Variants in PPM1A observed in about 807,000 individuals in gnomAD.
PPM1A encodes the protein protein phosphatase 1A.
PPM1A carries 7 observed loss-of-function variants against 35.0 expected under a neutral mutation model. The observed-to-expected ratio is 0.20, with a 90% CI of 0.11 to 0.38. The LOEUF (loss-of-function observed/expected upper bound fraction) is 0.38. Ranked by LOEUF, PPM1A falls within the 10% of genes least tolerant of loss-of-function variation. The pLI is 1.00. For synonymous variants in PPM1A, 153 were observed against 167.3 expected (o/e 0.91, Z 0.66); for missense variants, 239 against 467.8 (o/e 0.51, Z 4.51).
intron 1 of PPM1A, among the ~76,000 whole-genome samples, chr14:60,272,351 T>C (rs1885227256): frequency 1.3e-5 from 2 of 151,590 alleles, no homozygotes; most frequent in South Asian, 4.2e-4. Context: ...GTGTATACTT[T>C]GTATCCAGGA....
At chr14:60,284,707 G>GTATATATATATATACA (rs1555344241) in intron 2 of PPM1A, among the ~76,000 whole-genome samples, 3 of 143,342 alleles carry the variant, frequency 2.1e-5, no homozygotes, top group Non-Finnish European at 3.0e-5. Context: ...ATGTGTGTGT[G>GTATATATATATATACA]TATATATATA....
In PPM1A at chr14:60,286,280, A is replaced by C. The variant is rs1017008950; in HGVS notation, c.952+539A>C. The C allele has an allele frequency of 4.1e-6, 4 of 985,766 alleles. No homozygotes were observed. The South Asian group carries it at 1.4e-4, about 35-fold the overall frequency. 61.1% of individuals were successfully genotyped at this position (985,766 alleles called of 1,614,324 possible). On this transcript the variant is annotated intron_variant, in intron 3 of 5. Transcript: ENST00000395076. ...CCCTAAGCCATAAACTGTCTCACCT[A>C]AACAAGATAGACCTCAATAAAAGAC...
At chr14:60,254,396 G>A (rs993484948) in intron 1 of PPM1A, among the ~76,000 whole-genome samples, 1 of 152,046 alleles carries the variant, frequency 6.6e-6, no homozygotes, top group African/African-American at 2.4e-5. Context: ...CGGATAAAGA[G>A]TAACAGTAAT....
At position 60,298,227 on chromosome 14, in the gene PPM1A, C is replaced by T. The variant is rs548142635; in HGVS notation, c.*5745C>T. ...GGAATGTATCTGGAACATTTTTGGC[C>T]TCCATAGTGCAGATATACTATATTA... On this transcript the variant is annotated 3_prime_UTR_variant, in exon 6 of 6. Transcript: ENST00000395076. The T allele has an allele frequency of 1.1e-3, 162 of 151,652 alleles. 1 individual carries two copies. Among genetic ancestry groups the T allele is most frequent in the African/African-American group, 3.9e-3 (161 of 41,490 alleles). 9.4% of individuals were successfully genotyped at this position (151,652 alleles called of 1,614,324 possible).
Position 60,282,426 on chromosome 14 carries a change from TCTC to T in PPM1A, c.-20-255_-20-253del, listed in dbSNP as rs1238766917. 6.6e-6 allele frequency among the ~76,000 whole-genome samples: 1 copy of T among 152,222 alleles called. No individual in the cohort carries two copies. The highest frequency in any genetic ancestry group is 1.9e-4 in the East Asian group (1 of 5,198). ...GTTTAAGTTGATGGCCACTGCCAGG[TCTC>T]CTTTCTGCCTTCTCCCCTTTATCCC... On this transcript the variant is annotated intron_variant, in intron 1 of 5. Transcript: ENST00000395076. The surrounding 1 kb of genome is among the most constrained non-coding windows in gnomAD (Gnocchi z 5.1).
At chr14:60,262,838 C>G (rs2095272450) in intron 1 of PPM1A, among the ~76,000 whole-genome samples, 1 of 152,184 alleles carries the variant, frequency 6.6e-6, no homozygotes, top group Non-Finnish European at 1.5e-5. Context: ...AAGTAAGGCA[C>G]TATCATTGTG....
chr14:60,253,612 T>C (rs1166077038), intron 1 of PPM1A, among the ~76,000 whole-genome samples: 3 of 152,194 alleles, frequency 2.0e-5, no homozygotes, highest in Non-Finnish European at 4.4e-5. Context: ...TGTAAAGTCT[T>C]CCAATGCAAG....
intron 1 of PPM1A, among the ~76,000 whole-genome samples, chr14:60,253,443 A>G (rs1882678525): frequency 1.3e-5 from 2 of 152,202 alleles, no homozygotes; most frequent in African/African-American, 4.8e-5. Flanking sequence ...TGCCAGGATC[A>G]GATCTGGGTA....
chr14:60,280,151 A>G (rs1024800496), intron 1 of PPM1A, among the ~76,000 whole-genome samples: 6 of 152,118 alleles, frequency 3.9e-5, no homozygotes, highest in Admixed American at 1.3e-4. Flanking sequence ...GATTACGGGC[A>G]TGCGCCACCA....
rs1424949419 is a variant in PPM1A, at chr14:60,289,868, A to G, written c.1015A>G (p.Ser339Gly). 1 of 1,594,856 alleles carries G rather than the reference A, an allele frequency of 6.3e-7. No homozygotes were observed. The change falls in exon 4 of 6, where the codon AGT becomes GGT. Residue 339 changes from serine to glycine, a missense_variant. Ser to Gly is a moderately conservative substitution (Grantham distance 56). Coordinates refer to ENST00000395076, the MANE Select transcript of PPM1A (RefSeq NM_021003.5). This position sits in a 1 kb window ranked among gnomAD's most constrained non-coding sequence, Gnocchi z 4.1. Reference sequence around the variant, plus strand: ...AGTCCATGTGATGCGCACATTAGCGAGTGAGAACATCCCCAGCCTCCCACC... The same window carrying G: ...AGTCCATGTGATGCGCACATTAGCGGGTGAGAACATCCCCAGCCTCCCACC... ...DLVHVMRTLA[S>G]ENIPSLPPGG... is the part of the protein sequence containing the mutation.
intron 1 of PPM1A, among the ~76,000 whole-genome samples, chr14:60,257,645 C>A (rs1487696225): frequency 1.3e-5 from 2 of 152,108 alleles, no homozygotes; most frequent in Non-Finnish European, 2.9e-5. Context: ...GAATATAATT[C>A]ATTACCAACT....
At chr14:60,248,182 G>A (rs1361357550), upstream of PPM1A, among the ~76,000 whole-genome samples, 1 of 152,148 alleles carries the variant, frequency 6.6e-6, no homozygotes, top group African/African-American at 2.4e-5. Flanking sequence ...AGCGTGGGTC[G>A]GGTTTTCCAG....
intron 1 of PPM1A, among the ~76,000 whole-genome samples, chr14:60,251,149 A>G (rs907328614): frequency 3.3e-5 from 5 of 152,254 alleles, no homozygotes; most frequent in Non-Finnish European, 7.3e-5. Context: ...AAGGATGATT[A>G]CTTTTAACCT....
intron 1 of PPM1A, among the ~76,000 whole-genome samples, chr14:60,265,199 C>CT (rs1377305882): frequency 1.3e-5 from 2 of 152,190 alleles, no homozygotes; most frequent in African/African-American, 4.8e-5. Flanking sequence ...AAGACACAAA[C>CT]TAAGATCTAT....
intron 1 of PPM1A, among the ~76,000 whole-genome samples, chr14:60,258,906 G>A (rs915359619): frequency 3.9e-5 from 6 of 152,048 alleles, no homozygotes; most frequent in African/African-American, 7.2e-5. Flanking sequence ...TAAATGCTGC[G>A]ATAAGGGAAA....
intron 1 of PPM1A, among the ~76,000 whole-genome samples, chr14:60,277,619 G>A (rs1885912903): frequency 6.6e-6 from 1 of 152,158 alleles, no homozygotes; most frequent in South Asian, 2.1e-4. Flanking sequence ...TTTCATGTGT[G>A]TATCTGGAAA....
At position 60,273,035 on chromosome 14, in the gene PPM1A, C is replaced by T. The variant is rs1394267666; in HGVS notation, c.-20-9649C>T. The stretch of plus-strand genomic sequence containing the variant: ...GAGCTTGTTAATTTTGAAAAGGCTT[C>T]AACTGAGGAACACTTTCTTCTCATT... On this transcript the variant is annotated intron_variant, in intron 1 of 5. Transcript: ENST00000395076. The surrounding 1 kb of genome is among the most constrained non-coding windows in gnomAD (Gnocchi z 4.3). Among the ~76,000 whole-genome samples, 1 of 152,012 alleles carries T rather than the reference C, an allele frequency of 6.6e-6. No homozygotes were observed. Among genetic ancestry groups the T allele is most frequent in the Non-Finnish European group, 1.5e-5 (1 of 68,002 alleles).
intron 1 of PPM1A, among the ~76,000 whole-genome samples, chr14:60,258,190 A>G (rs951915955): frequency 7.9e-5 from 12 of 152,140 alleles, no homozygotes; most frequent in Non-Finnish European, 1.5e-4. Context: ...AAGTAGCTCT[A>G]TAAGTGTAAA....
chr14:60,276,363 C>T (rs544844163), intron 1 of PPM1A, among the ~76,000 whole-genome samples: 2 of 152,166 alleles, frequency 1.3e-5, no homozygotes, highest in South Asian at 4.2e-4. Flanking sequence ...TTCCCTTCAG[C>T]CTTTAGATTT....
Sources: allele counts gnomAD v4.1 joint callset (sites outside exome capture counted in the v4.1 genomes callset), GRCh38; gene constraint gnomAD v4.1.1; non-coding constraint Gnocchi (gnomAD v3.1); transcripts MANE v1.5; gene names NCBI Gene and HGNC (gene_info 2026-07-23, HGNC 2026-07-21).